PCDHA6: variants seen among roughly 807,000 people sequenced by gnomAD.
PCDHA6 encodes the protein protocadherin alpha 6.
A neutral mutation model predicts 60.3 loss-of-function variants in PCDHA6; 55 were observed. The ratio of observed to expected loss-of-function variants is 0.91; its 90% CI spans 0.73 to 1.14. The LOEUF is 1.14. Ranked by LOEUF, PCDHA6 falls within the 50% of genes most tolerant of loss-of-function variation. PCDHA6 has a pLI of 0.00. For missense variants in PCDHA6, 1,327 were observed against 1,256.5 expected, an observed-to-expected ratio of 1.06 and a Z score of -0.85; for synonymous variants, 652 against 557.9, an observed-to-expected ratio of 1.17 and a Z score of -2.38.
Position 140,830,403 on chromosome 5 carries a change from C to T in PCDHA6, c.2312C>T (p.Ala771Val), listed in dbSNP as rs142523844. 231 of 1,614,096 alleles carry T rather than the reference C, an allele frequency of 1.4e-4. No homozygotes were observed. The African/African-American group carries it at 1.9e-3, about 14-fold the overall frequency. ...GEGPPKMDLM[A>V]FSPSLSPCPI... The stretch of plus-strand genomic sequence containing the variant: ...GGCCCACCCAAGATGGATCTCATGG[C>T]CTTTAGCCCCAGCCTTTCACCTTGT... The change falls in exon 1 of 4, where the codon GCC becomes GTC. Residue 771 changes from alanine to valine, a missense_variant. Ala to Val is a moderately conservative substitution (Grantham distance 64, BLOSUM62 0). Transcript: ENST00000529310.
chr5:140,955,603 C>T (rs898504105), intron 1 of PCDHA6, among the ~76,000 whole-genome samples: 1 of 152,146 alleles, frequency 6.6e-6, no homozygotes, highest in Non-Finnish European at 1.5e-5. Flanking sequence ...TTATAAATTA[C>T]CCAGTCTCAG....
chr5:140,951,716 C>T (rs2094623458), intron 1 of PCDHA6, among the ~76,000 whole-genome samples: 1 of 152,102 alleles, frequency 6.6e-6, no homozygotes, highest in South Asian at 2.1e-4. Flanking sequence ...GGACACAGAT[C>T]CAAACCATGT....
At chr5:140,869,588 T>G (rs1404476349) in intron 1 of PCDHA6, 7 of 1,613,996 alleles carry the variant, frequency 4.3e-6, no homozygotes, top group Non-Finnish European at 5.9e-6. Flanking sequence ...GATGCTGACA[T>G]TGAAGAGAAT....
chr5:140,999,812 G>A (rs1305602487), intron 3 of PCDHA6, among the ~76,000 whole-genome samples: 2 of 152,270 alleles, frequency 1.3e-5, no homozygotes, highest in East Asian at 3.9e-4. Flanking sequence ...CACAAAGCAA[G>A]AGCTGTGGCT....
rs1448564423 is a variant in PCDHA6 at position 140,841,223 on chromosome 5, A to G, written c.2394+10738A>G. 4.8e-6 allele frequency: 7 copies of G among 1,448,108 alleles called. No homozygotes were observed. In the Admixed American group the frequency reaches 6.8e-5, roughly 14 times the overall value. The allele number at this position is 1,448,108 out of a possible 1,614,324, so 89.7% of individuals were successfully genotyped here. ...CAGCATCTGTCTCTAAAGGCCGAAC[A>G]ACGGGAGATGCAGCGGAATTGGATT... is the stretch of plus-strand genomic sequence containing the variant. On this transcript the variant is annotated intron_variant, in intron 1 of 3. Transcript: ENST00000529310.
chr5:140,861,234 C>T (rs868927537), intron 1 of PCDHA6: 7 of 166,456 alleles, frequency 4.2e-5, no homozygotes, highest in Middle Eastern at 2.9e-3. Context: ...ATTTTAGCTG[C>T]TAGACAAAGT....
rs2150343168 is a variant in PCDHA6, at chr5:140,842,728, G to C, written c.2394+12243G>C. 3.1e-6 allele frequency: 5 copies of C among 1,594,936 alleles called. No individual in the cohort carries two copies. In the Admixed American group the frequency reaches 6.7e-5, roughly 22 times the overall value. On this transcript the variant is annotated intron_variant, in intron 1 of 3. Coordinates refer to ENST00000529310, the MANE Select transcript of PCDHA6 (RefSeq NM_018909.4). ...CGGTGTTCGTGAAGGAGAACAACCC[G>C]CCGGGCTGCCACATCTTCACGGTGT...
chr5:140,937,937 G>T (rs1584936873), intron 1 of PCDHA6, among the ~76,000 whole-genome samples: 1 of 151,274 alleles, frequency 6.6e-6, no homozygotes. Flanking sequence ...AGTTTAATTT[G>T]ATAATTGGCT....
In PCDHA6 at chr5:141,009,726, C is replaced by A. The variant is rs373683237; in HGVS notation, c.2642C>A (p.Pro881His). Residue 881 changes from proline to histidine, a missense_variant, in exon 4 of 4, where the codon CCC (proline) becomes CAC (histidine). By Grantham distance (77) the Pro-to-His change is moderately conservative (BLOSUM62 -2). Coordinates refer to ENST00000529310, the MANE Select transcript of PCDHA6 (RefSeq NM_018909.4). ...YGPGNPKQSGPGELPDKFIIP... is the reference protein window; with the variant it reads ...YGPGNPKQSGHGELPDKFIIP... The stretch of plus-strand genomic sequence containing the variant: ...CCAGGCAACCCCAAACAATCCGGTC[C>A]CGGTGAGTTGCCCGACAAATTCATT... 85 of 1,614,016 alleles carry A rather than the reference C, an allele frequency of 5.3e-5. No individual in the cohort carries two copies. Among genetic ancestry groups the A allele is most frequent in the Non-Finnish European group, 4.4e-5 (52 of 1,180,032 alleles).
chr5:140,913,450 T>G (rs2153526628), intron 1 of PCDHA6, among the ~76,000 whole-genome samples: 1 of 152,270 alleles, frequency 6.6e-6, no homozygotes, highest in Middle Eastern at 3.4e-3. Flanking sequence ...TCAGCTCCGA[T>G]TTTATTTACT....
chr5:140,861,090 T>C (rs1449145259), intron 1 of PCDHA6: 1 of 152,308 alleles, frequency 6.6e-6, no homozygotes, highest in African/African-American at 2.4e-5. Flanking sequence ...GAAGCTCCAT[T>C]GTTCCTGTAC....
At chr5:140,863,810 C>T (rs1554158466) in intron 1 of PCDHA6, 8 of 203,770 alleles carry the variant, frequency 3.9e-5, no homozygotes, top group South Asian at 2.6e-4. Context: ...ACCAGCCTGG[C>T]CAACATGGTG....
In PCDHA6 at chr5:140,828,262, G is replaced by T. The variant is rs782427409; in HGVS notation, c.171G>T (p.Ala57=). 4 of 1,613,900 alleles carry T rather than the reference G, an allele frequency of 2.5e-6. No individual in the cohort carries two copies. Among genetic ancestry groups the T allele is most frequent in the Non-Finnish European group, 3.4e-6 (4 of 1,180,054 alleles). Residue 57 remains alanine (A), a synonymous_variant, in exon 1 of 4, where the codon GCG becomes GCT. Transcript: ENST00000529310. Reference sequence around the variant, plus strand: ...CGCAGGACCTGGGGCTGGAGCTGGCGGAGCTGGTGCCGCGCCTGTTCAGGA... The same window carrying T: ...CGCAGGACCTGGGGCTGGAGCTGGCTGAGCTGGTGCCGCGCCTGTTCAGGA... The part of the protein sequence containing the change: ...RIAQDLGLEL[A]ELVPRLFRMA...
At position 140,852,833 on chromosome 5, in the gene PCDHA6, T is replaced by G. The variant is rs2150523071; in HGVS notation, c.2394+22348T>G. On this transcript the variant is annotated intron_variant, in intron 1 of 3. Coordinates refer to ENST00000529310, the MANE Select transcript of PCDHA6 (RefSeq NM_018909.4). ...CCCGCCCTAAGTCCTCCAGTCTCCT[T>G]AGAGCTAGTACTTACTAAGCATTTA... 7.2e-6 allele frequency: 7 copies of G among 971,734 alleles called. No individual in the cohort carries two copies. The African/African-American group carries it at 1.1e-4, about 15-fold the overall frequency. The allele number at this position is 971,734 out of a possible 1,614,324, so 60.2% of individuals were successfully genotyped here.
intron 1 of PCDHA6, chr5:140,835,779 G>GAGAACAACCCGCCGGGCTGCCACATCTT: frequency 6.2e-7 from 1 of 1,613,360 alleles, no homozygotes; most frequent in Non-Finnish European, 8.5e-7. Context: ...GTTCGTGAAG[G>GAGAACAACCCGCCGGGCTGCCACATCTT]AGAACAACCC....
intron 1 of PCDHA6, chr5:140,859,719 T>C (rs1562546995): frequency 6.5e-6 from 1 of 154,108 alleles, no homozygotes; most frequent in Non-Finnish European, 1.4e-5. Flanking sequence ...CAAAAAAAAA[T>C]TGTGGCAAGA....
At chr5:140,914,695 A>T (rs970720014) in intron 1 of PCDHA6, among the ~76,000 whole-genome samples, 1 of 151,978 alleles carries the variant, frequency 6.6e-6, no homozygotes, top group African/African-American at 2.4e-5. Context: ...CTCTGGTGGT[A>T]TGATTTAATT....
Position 141,009,653 on chromosome 5 carries a change from C to T in PCDHA6, c.2569C>T (p.Pro857Ser). ...ACCAGAGGCAGGAGAAGTGTCCCCTCCAGTCGGTGCGGGTGTCAACAGCAA... is the reference window on the plus strand; with the variant it reads ...ACCAGAGGCAGGAGAAGTGTCCCCTTCAGTCGGTGCGGGTGTCAACAGCAA... The part of the protein sequence containing the change: ...PEPEAGEVSP[P>S]VGAGVNSNSW... The change falls in exon 4 of 4, where the codon CCA becomes TCA. Residue 857 changes from proline (P) to serine (S), a missense_variant. Physicochemically the swap from Pro to Ser is moderately conservative, Grantham distance 74. Transcript: ENST00000529310. 1 of 1,613,998 alleles carries T rather than the reference C, an allele frequency of 6.2e-7. No individual in the cohort carries two copies. The highest frequency in any genetic ancestry group is 8.5e-7 in the Non-Finnish European group (1 of 1,179,950).
chr5:140,902,010 G>A (rs187351122), intron 1 of PCDHA6, among the ~76,000 whole-genome samples: 56 of 152,092 alleles, frequency 3.7e-4, no homozygotes, highest in African/African-American at 1.3e-3. Context: ...TCACTGTTGG[G>A]ACATATAGAA....
Sources: gnomAD v4.1 joint callset for allele counts (sites outside exome capture counted in the v4.1 genomes callset) on GRCh38, gnomAD v4.1.1 for gene constraint, MANE v1.5 for transcripts, NCBI Gene and HGNC (gene_info 2026-07-23, HGNC 2026-07-21) for gene names.